DOCK2: variants seen among roughly 807,000 people sequenced by gnomAD.
The protein encoded by DOCK2 is dedicator of cytokinesis 2, also known as dedicator of cytokinesis protein 2.
Under a neutral mutation model 248.9 loss-of-function variants are expected in DOCK2, and 87 were observed. The observed-to-expected ratio is 0.35, with a 90% CI of 0.29 to 0.42. DOCK2 has a LOEUF of 0.42. Ranked by LOEUF, DOCK2 falls within the 10% of genes least tolerant of loss-of-function variation. The pLI, the probability that DOCK2 is intolerant of heterozygous loss-of-function variation, is 1.00. For missense variants in DOCK2, 1,747 were observed against 2,300.2 expected, an observed-to-expected ratio of 0.76 and a Z score of 4.92; for synonymous variants, 805 against 821.6, an observed-to-expected ratio of 0.98 and a Z score of 0.35.
chr5:170,029,274 C>T (rs1239171597), intron 34 of DOCK2, among the ~76,000 whole-genome samples: 1 of 152,180 alleles, frequency 6.6e-6, no homozygotes, highest in African/African-American at 2.4e-5. Context: ...GCCACCCCAG[C>T]GGGTGTAAAA....
intron 27 of DOCK2, among the ~76,000 whole-genome samples, chr5:169,931,349 C>T (rs577389277): frequency 6.6e-6 from 1 of 152,300 alleles, no homozygotes; most frequent in African/African-American, 2.4e-5. Flanking sequence ...ACACAAACAC[C>T]AGCGTCTCTC....
At chr5:169,937,884 T>C (rs1167777650) in intron 27 of DOCK2, among the ~76,000 whole-genome samples, 1 of 152,190 alleles carries the variant, frequency 6.6e-6, no homozygotes, top group African/African-American at 2.4e-5. Flanking sequence ...TGGGTCCCTT[T>C]CTCCATTCTG....
intron 27 of DOCK2, chr5:169,882,858 T>C (rs1772740189): frequency 6.4e-7 from 1 of 1,551,250 alleles, no homozygotes; most frequent in East Asian, 2.4e-5. Flanking sequence ...CAGATTTCGA[T>C]GCACTGTTAG....
At chr5:169,897,483 T>G (rs80094576) in intron 27 of DOCK2, among the ~76,000 whole-genome samples, 8,773 of 152,164 alleles carry the variant, frequency 0.058, 320 homozygotes, top group Non-Finnish European at 0.083. Context: ...GCCACCGTAC[T>G]CGGCCAGGAA....
At chr5:169,886,486 T>C (rs1328206067) in intron 27 of DOCK2, among the ~76,000 whole-genome samples, 1 of 152,186 alleles carries the variant, frequency 6.6e-6, no homozygotes, top group Non-Finnish European at 1.5e-5. Context: ...AGATAATAAT[T>C]AAGCCTGCCT....
At chr5:169,728,321 G>A (rs1762595740) in intron 22 of DOCK2, among the ~76,000 whole-genome samples, 1 of 152,180 alleles carries the variant, frequency 6.6e-6, no homozygotes, top group Admixed American at 6.5e-5. Flanking sequence ...TGGAGACACA[G>A]TTTTGGTTGA....
At chr5:169,857,840 T>G (rs976080501) in intron 27 of DOCK2, among the ~76,000 whole-genome samples, 3 of 152,158 alleles carry the variant, frequency 2.0e-5, no homozygotes, top group Non-Finnish European at 4.4e-5. Context: ...GGGAATATAC[T>G]ATGAAATAAC....
intron 27 of DOCK2, among the ~76,000 whole-genome samples, chr5:169,916,742 T>C (rs1343760376): frequency 6.6e-6 from 1 of 152,156 alleles, no homozygotes; most frequent in African/African-American, 2.4e-5. Flanking sequence ...CAGGCACCAG[T>C]ACAAGAATTT....
intron 25 of DOCK2, among the ~76,000 whole-genome samples, chr5:169,795,684 A>G (rs904925157): frequency 1.3e-5 from 2 of 152,332 alleles, no homozygotes; most frequent in Admixed American, 6.5e-5. Context: ...GACTAGAATC[A>G]TGTCTATGGA....
chr5:169,795,504 G>C lies in DOCK2; in HGVS notation c.2555-7554G>C, dbSNP rs143133350. Among the ~76,000 whole-genome samples, 561 of 152,294 alleles carry C rather than the reference G, an allele frequency of 3.7e-3. 10 individuals carry two copies. Among genetic ancestry groups the C allele is most frequent in the African/African-American group, 0.013 (546 of 41,558 alleles). ...TGAGGCAAGTGACTCATGGGGAGCT[G>C]CTGAAGAATGCGTTGGGGGAAAATG... On this transcript the variant is annotated intron_variant, in intron 25 of 51. Coordinates refer to ENST00000520908, the MANE Select transcript of DOCK2 (RefSeq NM_004946.3).
chr5:169,701,704 G>T (rs1472411574), intron 13 of DOCK2, among the ~76,000 whole-genome samples: 1 of 152,080 alleles, frequency 6.6e-6, no homozygotes, highest in Non-Finnish European at 1.5e-5. Context: ...TTTTGATACA[G>T]ACAGGGTTTT....
intron 27 of DOCK2, among the ~76,000 whole-genome samples, chr5:169,876,889 A>G (rs1772366581): frequency 6.6e-6 from 1 of 152,204 alleles, no homozygotes; most frequent in African/African-American, 2.4e-5. Context: ...TTTCTTTAAT[A>G]AGAACCTACT....
At chr5:169,876,435 C>A (rs1252980912) in intron 27 of DOCK2, among the ~76,000 whole-genome samples, 1 of 152,212 alleles carries the variant, frequency 6.6e-6, no homozygotes, top group Non-Finnish European at 1.5e-5. Flanking sequence ...AATTCAGACA[C>A]CAGAGAAGGG....
At chr5:169,788,135 T>G (rs1325369729) in intron 25 of DOCK2, among the ~76,000 whole-genome samples, 2 of 152,164 alleles carry the variant, frequency 1.3e-5, no homozygotes, top group Non-Finnish European at 2.9e-5. Context: ...CTTCTGCTCT[T>G]CCATGATTTT....
intron 25 of DOCK2, among the ~76,000 whole-genome samples, chr5:169,782,842 C>G (rs1329348584): frequency 6.6e-6 from 1 of 152,178 alleles, no homozygotes; most frequent in Non-Finnish European, 1.5e-5. Flanking sequence ...CGTTAACTGG[C>G]TCTCTGACAT....
At chr5:169,653,425 A>G (rs1319428238) in intron 1 of DOCK2, among the ~76,000 whole-genome samples, 1 of 152,220 alleles carries the variant, frequency 6.6e-6, no homozygotes, top group African/African-American at 2.4e-5. Context: ...AGCTGTCACC[A>G]GCTAGAGCGG....
intron 27 of DOCK2, among the ~76,000 whole-genome samples, chr5:169,969,933 T>G (rs1777439494): frequency 6.6e-6 from 1 of 152,266 alleles, no homozygotes; most frequent in Non-Finnish European, 1.5e-5. Context: ...TTCTTCTGGT[T>G]TTTAATTGTT....
intron 26 of DOCK2, among the ~76,000 whole-genome samples, chr5:169,814,312 C>T (rs908464418): frequency 1.3e-5 from 2 of 152,106 alleles, no homozygotes; most frequent in Non-Finnish European, 2.9e-5. Context: ...TGTACAGCCT[C>T]GATCTGATGA....
intron 23 of DOCK2, among the ~76,000 whole-genome samples, chr5:169,754,920 A>ATTATTTATTTATTTATTTAT (rs144364050): frequency 0.12 from 16,532 of 141,164 alleles, 1,339 homozygotes; most frequent in African/African-American, 0.2. Context: ...CCTATTTTTT[A>ATTATTTATTTATTTATTTAT]TTATTTATTT....
Sources: allele counts gnomAD v4.1 joint callset (sites outside exome capture counted in the v4.1 genomes callset), GRCh38; gene constraint gnomAD v4.1.1; transcripts MANE v1.5; gene names NCBI Gene and HGNC (gene_info 2026-07-23, HGNC 2026-07-21).